Variants in SPECC1 observed in about 807,000 individuals in gnomAD.
SPECC1 encodes the protein sperm antigen with calponin homology and coiled-coil domains 1.
SPECC1 carries 62 observed loss-of-function variants against 104.1 expected under a neutral mutation model. The observed-to-expected ratio is 0.60, with a 90% CI of 0.49 to 0.74. SPECC1 has a LOEUF of 0.74. Among genes scored for constraint, SPECC1 ranks in the 30% least tolerant of loss-of-function variants. SPECC1 has a pLI of 0.00. For missense variants in SPECC1, 1,306 were observed against 1,310.5 expected (o/e 1.00, Z 0.05); for synonymous variants, 513 against 501.6 (o/e 1.02, Z -0.30).
intron 12 of SPECC1, among the ~76,000 whole-genome samples, chr17:20,287,302 A>G (rs2040986200): frequency 6.6e-6 from 1 of 151,944 alleles, no homozygotes; most frequent in East Asian, 1.9e-4. Context: ...CTGTAGTCCC[A>G]GCTACTCGGG....
intron 3 of SPECC1, among the ~76,000 whole-genome samples, chr17:20,166,205 T>A (rs1158111124): frequency 1.3e-5 from 2 of 152,168 alleles, no homozygotes; most frequent in African/African-American, 4.8e-5. Context: ...ACTCACTAAA[T>A]AGCAAAACAC....
intron 3 of SPECC1, among the ~76,000 whole-genome samples, chr17:20,174,039 C>A (rs966785287): frequency 6.6e-6 from 1 of 151,660 alleles, no homozygotes; most frequent in African/African-American, 2.4e-5. Flanking sequence ...TTCAAGCGAT[C>A]CTCCTGCTCA....
intron 12 of SPECC1, among the ~76,000 whole-genome samples, chr17:20,261,371 G>A (rs1427174339): frequency 4.0e-5 from 6 of 151,820 alleles, no homozygotes; most frequent in Non-Finnish European, 7.4e-5. Flanking sequence ...GCGTGGTGGC[G>A]GGCGCCTGTA....
At position 20,144,622 on chromosome 17, in the gene SPECC1, A is replaced by G. The variant is rs115492231; in HGVS notation, c.283+34060A>G. 3.8e-3 allele frequency among the ~76,000 whole-genome samples: 585 copies of G among 152,292 alleles called. 2 individuals carry two copies. The highest frequency in any genetic ancestry group is 0.012 in the African/African-American group (513 of 41,554). Reference sequence around the variant, plus strand: ...ATATAAGTGAACTTCAAAATCTTGAAGGCCAATGATGACTTTGATTTTTCT... The same window carrying G: ...ATATAAGTGAACTTCAAAATCTTGAGGGCCAATGATGACTTTGATTTTTCT... On this transcript the variant is annotated intron_variant, in intron 3 of 14. Transcript: ENST00000395527.
At chr17:20,107,539 C>T (rs915196309) in intron 2 of SPECC1, among the ~76,000 whole-genome samples, 2 of 151,280 alleles carry the variant, frequency 1.3e-5, no homozygotes, top group African/African-American at 4.9e-5. Context: ...TCACTGTAAC[C>T]TCCATCTCCT....
chr17:20,204,418 T>C lies in SPECC1; in HGVS notation c.369T>C (p.Arg123=). ...VTVSRERSVP[R]GPSNPRKSVS... ...TCTCAAGAGAGAGGTCTGTGCCACGTGGTCCCTCCAACCCCAGGAAATCAG... is the reference window on the plus strand; with the variant it reads ...TCTCAAGAGAGAGGTCTGTGCCACGCGGTCCCTCCAACCCCAGGAAATCAG... Residue 123 remains arginine, a synonymous_variant, in exon 4 of 15, where the codon CGT becomes CGC. Transcript: ENST00000395527. 1.2e-6 allele frequency: 2 copies of C among 1,614,146 alleles called. No homozygotes were observed. The highest frequency in any genetic ancestry group is 1.7e-6 in the Non-Finnish European group (2 of 1,180,022).
chr17:20,011,112 A>G (rs962688976), intron 1 of SPECC1, among the ~76,000 whole-genome samples: 17 of 152,142 alleles, frequency 1.1e-4, no homozygotes, highest in Non-Finnish European at 1.5e-5. Context: ...CCCCATTTTT[A>G]TCTGTGTTCA....
At chr17:20,244,075 A>G (rs1389379212) in intron 7 of SPECC1, among the ~76,000 whole-genome samples, 1 of 151,960 alleles carries the variant, frequency 6.6e-6, no homozygotes, top group African/African-American at 2.4e-5. Flanking sequence ...AATACGAAAG[A>G]TTAGCAAAGT....
Position 20,316,968 on chromosome 17 carries a change from T to C in SPECC1, c.*2903T>C. The C allele has an allele frequency of 4.7e-6, 1 of 214,184 alleles. No homozygotes were observed. The highest frequency in any genetic ancestry group is 9.4e-6 in the Non-Finnish European group (1 of 105,902). The allele number at this position is 214,184 out of a possible 1,614,324, so 13.3% of individuals were successfully genotyped here. Reference sequence around the variant, plus strand: ...AACTCCCCCATTTTTGTCTGTATCCTGCTCTCTTTAGGTTAAAAAGAAGGA... The same window carrying C: ...AACTCCCCCATTTTTGTCTGTATCCCGCTCTCTTTAGGTTAAAAAGAAGGA... On this transcript the variant is annotated 3_prime_UTR_variant, in exon 15 of 15. Coordinates refer to ENST00000395527, the MANE Select transcript of SPECC1 (RefSeq NM_001243439.2).
intron 10 of SPECC1, 111 bp downstream of exon 10, chr17:20,253,697 C>A: frequency 5.0e-6 from 5 of 998,394 alleles, no homozygotes; most frequent in Non-Finnish European, 7.5e-6. Context: ...GCATTTCTTG[C>A]AAGTGATTTC....
At chr17:20,224,630 C>A (rs1427122872) in intron 4 of SPECC1, among the ~76,000 whole-genome samples, 13 of 152,020 alleles carry the variant, frequency 8.6e-5, no homozygotes, top group Admixed American at 7.9e-4. Context: ...CCACCGCCAC[C>A]CCAAGCCTGT....
chr17:20,041,484 C>T lies in SPECC1; in HGVS notation c.-22+32060C>T, dbSNP rs575208915. On this transcript the variant is annotated intron_variant, in intron 1 of 14. Coordinates refer to ENST00000395527, the MANE Select transcript of SPECC1 (RefSeq NM_001243439.2). ...CTCAAACTCCTGACCTCAGGTGATC[C>T]GCCTGCCTCAGCCTCCCAAAGTGCA... Among the ~76,000 whole-genome samples the T allele has an allele frequency of 2.0e-4, 30 of 152,084 alleles. No homozygotes were observed. The South Asian group carries it at 4.2e-3, about 21-fold the overall frequency.
rs1203157940 is a variant in SPECC1, at chr17:20,315,770, T to A, written c.*1705T>A. 1 of 232,400 alleles carries A rather than the reference T, an allele frequency of 4.3e-6. No homozygotes were observed. The highest frequency in any genetic ancestry group is 5.6e-5 in the Admixed American group (1 of 17,758). The allele number at this position is 232,400 out of a possible 1,614,324, so 14.4% of individuals were successfully genotyped here. A position where few individuals can be genotyped will look rare whatever the true frequency, so the allele number is the denominator to read the frequency against. ...CAACTGGGCTGCACGGGTCAGCAGA[T>A]CCCTGATTCTCAAGCCACCTTGAGA... On this transcript the variant is annotated 3_prime_UTR_variant, in exon 15 of 15. Coordinates refer to ENST00000395527, the MANE Select transcript of SPECC1 (RefSeq NM_001243439.2).
chr17:20,107,606 G>A (rs188383851), intron 2 of SPECC1, among the ~76,000 whole-genome samples: 1 of 151,950 alleles, frequency 6.6e-6, no homozygotes, highest in East Asian at 1.9e-4. Context: ...ACAGGCATGT[G>A]TCACCACACC....
At chr17:20,076,962 T>C (rs1274470240) in intron 1 of SPECC1, among the ~76,000 whole-genome samples, 2 of 152,252 alleles carry the variant, frequency 1.3e-5, no homozygotes, top group African/African-American at 4.8e-5. Flanking sequence ...TTTTACATGC[T>C]TGTTTACAAG....
chr17:20,023,831 C>T (rs573188959), intron 1 of SPECC1, among the ~76,000 whole-genome samples: 1 of 150,824 alleles, frequency 6.6e-6, no homozygotes, highest in East Asian at 1.9e-4. Flanking sequence ...ACATGGAAAG[C>T]ATCTCAGCTG....
intron 3 of SPECC1, among the ~76,000 whole-genome samples, chr17:20,184,771 T>C (rs1051844378): frequency 7.9e-5 from 12 of 152,272 alleles, no homozygotes; most frequent in Non-Finnish European, 1.5e-4. Context: ...TTAAGTATTA[T>C]TATTAAAGTA....
chr17:20,074,468 A>G (rs950223473), intron 1 of SPECC1, among the ~76,000 whole-genome samples: 2 of 152,198 alleles, frequency 1.3e-5, no homozygotes, highest in Non-Finnish European at 2.9e-5. Flanking sequence ...TCTATTTTCT[A>G]GAAATTAAGT....
At chr17:20,072,463 C>T (rs56009515) in intron 1 of SPECC1, among the ~76,000 whole-genome samples, 11,268 of 152,294 alleles carry the variant, frequency 0.074, 449 homozygotes, top group Middle Eastern at 0.085. Flanking sequence ...CCCTTGCCCC[C>T]CAGGAGAGTG....
Sources: allele counts gnomAD v4.1 joint callset (sites outside exome capture counted in the v4.1 genomes callset), GRCh38; gene constraint gnomAD v4.1.1; transcripts MANE v1.5; gene names NCBI Gene and HGNC (gene_info 2026-07-23, HGNC 2026-07-21).